The following CCR3 variants were observed in gnomAD, a reference collection of about 807,000 sequenced individuals.
CCR3 encodes C-C chemokine receptor type 3.
For synonymous variants in CCR3, 203 were observed against 179.2 expected (o/e 1.13, Z -1.06); for missense variants, 419 against 437.5 (o/e 0.96, Z 0.38).
chr3:46,238,996 G>T (rs2125926281), upstream of CCR3, among the ~76,000 whole-genome samples: 2 of 152,300 alleles, frequency 1.3e-5, no homozygotes, highest in African/African-American at 4.8e-5. Context: ...GTGTGAAAAT[G>T]TCCTGTATTT....
chr3:46,242,163 C>G (rs1326400627), upstream of CCR3, among the ~76,000 whole-genome samples: 1 of 151,648 alleles, frequency 6.6e-6, no homozygotes, highest in Non-Finnish European at 1.5e-5. Context: ...AACAACCCCC[C>G]ACCACTAAAA....
intron 2 of CCR3, among the ~76,000 whole-genome samples, chr3:46,227,733 T>G (rs967196474): frequency 2.0e-5 from 3 of 152,210 alleles, no homozygotes; most frequent in African/African-American, 7.2e-5. Flanking sequence ...TGTTTTCATT[T>G]AGTTCTGTAT....
rs138815519 is a variant in CCR3, at chr3:46,214,414, C to A, written c.-68+3507C>A. On this transcript the variant is annotated intron_variant, in intron 2 of 3. Coordinates refer to the CCR3 transcript ENST00000357422. ...CTCTCTCACTCACTCAAGGACATTG[C>A]TCTATTGATTTTCTCTCATCTTGTC... 4.7e-3 allele frequency among the ~76,000 whole-genome samples: 715 copies of A among 152,242 alleles called. 7 individuals carry two copies. The highest frequency in any genetic ancestry group is 7.5e-3 in the Non-Finnish European group (507 of 68,012).
chr3:46,261,389 G>C (rs538319844), intron 1 of CCR3, among the ~76,000 whole-genome samples: 1 of 152,318 alleles, frequency 6.6e-6, no homozygotes, highest in Admixed American at 6.5e-5. Context: ...TACAAAATCA[G>C]ATTCAGGAAC....
chr3:46,247,086 C>T (rs1490643926), intron 1 of CCR3, among the ~76,000 whole-genome samples: 3 of 152,048 alleles, frequency 2.0e-5, no homozygotes, highest in African/African-American at 7.3e-5. Context: ...TAGAGAGTGC[C>T]TAAGGAGATT....
chr3:46,242,257 A>G (rs146444151), upstream of CCR3: 226 of 152,326 alleles, frequency 1.5e-3, no homozygotes, highest in African/African-American at 5.3e-3. Flanking sequence ...ATGTGGTGTC[A>G]ATCATGAAAA....
At chr3:46,245,777 C>T (rs1404282067) in intron 1 of CCR3, among the ~76,000 whole-genome samples, 3 of 152,170 alleles carry the variant, frequency 2.0e-5, no homozygotes. Context: ...CATCATTTAG[C>T]TCCCACTTAT....
At chr3:46,262,053 C>T (rs1700535735) in intron 1 of CCR3, among the ~76,000 whole-genome samples, 1 of 152,244 alleles carries the variant, frequency 6.6e-6, no homozygotes, top group South Asian at 2.1e-4. Context: ...ACACCCCCTT[C>T]CCACTCTGCC....
chr3:46,244,251 T>C (rs1016664651), intron 1 of CCR3, among the ~76,000 whole-genome samples: 18 of 152,372 alleles, frequency 1.2e-4, no homozygotes, highest in Admixed American at 1.1e-3. Context: ...TGATTATCTA[T>C]ACAATATGTT....
At chr3:46,250,645 G>GA (rs1449443761) in intron 1 of CCR3, among the ~76,000 whole-genome samples, 1 of 152,146 alleles carries the variant, frequency 6.6e-6, no homozygotes, top group Non-Finnish European at 1.5e-5. Context: ...TGTTGCAGAA[G>GA]AAAATAAGGC....
chr3:46,216,405 A>C (rs1445947829), intron 2 of CCR3, among the ~76,000 whole-genome samples: 1 of 152,176 alleles, frequency 6.6e-6, no homozygotes, highest in Non-Finnish European at 1.5e-5. Flanking sequence ...TCTAAAACTT[A>C]TCTGAAAACG....
intron 1 of CCR3, among the ~76,000 whole-genome samples, chr3:46,253,466 C>T (rs9854964): frequency 0.43 from 65,375 of 151,918 alleles, 15,104 homozygotes; most frequent in East Asian, 0.64. Context: ...CTCATCTTTA[C>T]TGGGTAAAGC....
upstream of CCR3, among the ~76,000 whole-genome samples, chr3:46,238,515 A>G (rs1014869136): frequency 6.6e-6 from 1 of 152,194 alleles, no homozygotes; most frequent in Non-Finnish European, 1.5e-5. Flanking sequence ...TTACCTAGGT[A>G]TGTCCACCAC....
chr3:46,252,010 T>C (rs1421023648), intron 1 of CCR3, among the ~76,000 whole-genome samples: 1 of 152,094 alleles, frequency 6.6e-6, no homozygotes, highest in Non-Finnish European at 1.5e-5. Flanking sequence ...CATCTGGGCA[T>C]ATATGTGCAA....
chr3:46,218,344 A>C (rs1415668732), intron 2 of CCR3, among the ~76,000 whole-genome samples: 2 of 152,088 alleles, frequency 1.3e-5, no homozygotes, highest in Non-Finnish European at 2.9e-5. Flanking sequence ...GCCAACAAAA[A>C]AAAAAAGTCT....
chr3:46,222,060 T>G (rs1295001109), intron 2 of CCR3, among the ~76,000 whole-genome samples: 2 of 152,208 alleles, frequency 1.3e-5, no homozygotes, highest in Non-Finnish European at 2.9e-5. Context: ...GAAGGTCAGA[T>G]AGGCAGGCCT....
Position 46,266,481 on chromosome 3 carries a change from T to C in CCR3, c.*255T>C, listed in dbSNP as rs112864976. On this transcript the variant is annotated 3_prime_UTR_variant, in exon 2 of 2. Coordinates refer to ENST00000395940, the MANE Select transcript of CCR3 (RefSeq NM_178329.3). ...GCTTTGCTTCTCTCTCTAAAATGAG[T>C]TACCTACATTTTAATGCACCTGAAT... 1 of 389,940 alleles carries C rather than the reference T, an allele frequency of 2.6e-6. No homozygotes were observed. 24.2% of individuals were successfully genotyped at this position (389,940 alleles called of 1,614,324 possible).
intron 2 of CCR3, among the ~76,000 whole-genome samples, chr3:46,225,115 T>A (rs1428175650): frequency 5.9e-5 from 9 of 152,192 alleles, no homozygotes; most frequent in Non-Finnish European, 1.5e-5. Flanking sequence ...ACCAAACTAT[T>A]GCTACTGCAT....
chr3:46,213,246 C>T (rs1211292146), intron 2 of CCR3, among the ~76,000 whole-genome samples: 1 of 152,216 alleles, frequency 6.6e-6, no homozygotes, highest in Non-Finnish European at 1.5e-5. Context: ...ACTCCCACAT[C>T]TAGGGTTGGG....
Sources: allele counts gnomAD v4.1 joint callset (sites outside exome capture counted in the v4.1 genomes callset), GRCh38; gene constraint gnomAD v4.1.1; transcripts MANE v1.5; gene names NCBI Gene and HGNC (gene_info 2026-07-23, HGNC 2026-07-21).